The following CYP39A1 variants were observed in gnomAD, a reference collection of about 807,000 sequenced individuals.
CYP39A1 encodes the protein 24-hydroxycholesterol 7-alpha-hydroxylase.
In CYP39A1, 49 loss-of-function variants were observed where a neutral mutation model predicts 58.1. The observed-to-expected ratio is 0.84, with a 90% CI of 0.67 to 1.07. CYP39A1 has a LOEUF of 1.07. Among genes scored for constraint, CYP39A1 ranks in the 50% least tolerant of loss-of-function variants. The pLI is 0.00. For missense variants in CYP39A1, 531 were observed against 539.4 expected, an observed-to-expected ratio of 0.98 and a Z score of 0.16; for synonymous variants, 209 against 187.6, an observed-to-expected ratio of 1.11 and a Z score of -0.93.
At chr6:46,624,683 A>T (rs1381396351) in intron 7 of CYP39A1, among the ~76,000 whole-genome samples, 2 of 152,104 alleles carry the variant, frequency 1.3e-5, no homozygotes, top group Non-Finnish European at 2.9e-5. Flanking sequence ...AAACCCTATC[A>T]TTTCTTATTC....
Position 46,639,560 on chromosome 6 carries a change from T to C in CYP39A1, c.422A>G (p.Glu141Gly). ...NLHQFTGQLT[E>G]ELHEQLENLG... Reference sequence around the variant, plus strand: ...ATTCTCCAGTTGTTCATGTAATTCTTCAGTCAGTTGCCCAGTAAACTGATG... The same window carrying C: ...ATTCTCCAGTTGTTCATGTAATTCTCCAGTCAGTTGCCCAGTAAACTGATG... Residue 141 changes from glutamate (E) to glycine (G), a missense_variant, in exon 3 of 12, where the codon GAA (glutamate) becomes GGA (glycine). Physicochemically the swap from Glu to Gly is moderately conservative, Grantham distance 98 (BLOSUM62 -2). Coordinates refer to ENST00000275016, the MANE Select transcript of CYP39A1 (RefSeq NM_016593.5). The C allele has an allele frequency of 6.2e-7, 1 of 1,614,164 alleles. No homozygotes were observed. Among genetic ancestry groups the C allele is most frequent in the South Asian group, 1.1e-5 (1 of 91,078 alleles).
At chr6:46,639,850 C>A in intron 2 of CYP39A1, among the ~76,000 whole-genome samples, 182 bp from the exon 3 acceptor site, 1 of 152,146 alleles carries the variant, frequency 6.6e-6, no homozygotes, top group African/African-American at 2.4e-5. Flanking sequence ...TGTGGTGGCT[C>A]ACAACTGTAA....
At chr6:46,648,826 A>T (rs997493419) in intron 1 of CYP39A1, among the ~76,000 whole-genome samples, 1 of 152,284 alleles carries the variant, frequency 6.6e-6, no homozygotes, top group African/African-American at 2.4e-5. Context: ...AAAAAAAACA[A>T]ATAATGTTTC....
intron 8 of CYP39A1, among the ~76,000 whole-genome samples, chr6:46,588,789 G>C (rs1173980689): frequency 6.6e-6 from 1 of 152,148 alleles, no homozygotes. Flanking sequence ...TTTGTGTTTG[G>C]GGTCACAGTG....
At chr6:46,626,886 A>G (rs1267860807) in intron 6 of CYP39A1, among the ~76,000 whole-genome samples, 1 of 152,156 alleles carries the variant, frequency 6.6e-6, no homozygotes, top group African/African-American at 2.4e-5. Flanking sequence ...ATGTTGGGGA[A>G]AAAAATAGTG....
At chr6:46,575,944 T>C (rs199839176) in intron 10 of CYP39A1, among the ~76,000 whole-genome samples, 1 of 152,150 alleles carries the variant, frequency 6.6e-6, no homozygotes, top group Admixed American at 6.6e-5. Context: ...TACCTGAGAC[T>C]GTAATTTATG....
intron 10 of CYP39A1, among the ~76,000 whole-genome samples, chr6:46,555,903 C>G (rs1770644669): frequency 6.6e-6 from 1 of 152,106 alleles, no homozygotes; most frequent in Non-Finnish European, 1.5e-5. Flanking sequence ...GCAAATTTAA[C>G]CCTACTTACT....
intron 7 of CYP39A1, among the ~76,000 whole-genome samples, chr6:46,624,031 CAT>C (rs1409525994): frequency 6.6e-6 from 1 of 152,068 alleles, no homozygotes; most frequent in African/African-American, 2.4e-5. Flanking sequence ...TAAACAATAA[CAT>C]AGAAAAAGCA....
At chr6:46,584,785 TA>T (rs1322254888) in intron 10 of CYP39A1, among the ~76,000 whole-genome samples, 7 of 152,072 alleles carry the variant, frequency 4.6e-5, no homozygotes, top group Non-Finnish European at 8.8e-5. Flanking sequence ...TGTCTCAAGC[TA>T]AAAGGTCTCC....
chr6:46,585,289 G>A (rs1181579921), intron 10 of CYP39A1, among the ~76,000 whole-genome samples: 2 of 151,872 alleles, frequency 1.3e-5, no homozygotes, highest in African/African-American at 4.8e-5. Context: ...CCAGGTCAAG[G>A]ATGATTACAA....
chr6:46,602,929 G>GC (rs1168586015), intron 7 of CYP39A1, among the ~76,000 whole-genome samples: 2 of 137,202 alleles, frequency 1.5e-5, no homozygotes, highest in Non-Finnish European at 3.1e-5. Context: ...AAAATGGGGG[G>GC]GGGGAGCTTT....
chr6:46,617,086 G>A (rs974534529), intron 7 of CYP39A1, among the ~76,000 whole-genome samples: 5 of 152,104 alleles, frequency 3.3e-5, no homozygotes, highest in South Asian at 2.1e-4. Flanking sequence ...ACAGACCATC[G>A]CTCTGGTTAA....
At chr6:46,561,392 C>A (rs1192612218) in intron 10 of CYP39A1, among the ~76,000 whole-genome samples, 1 of 151,930 alleles carries the variant, frequency 6.6e-6, no homozygotes, top group African/African-American at 2.4e-5. Context: ...CTGCAACAAG[C>A]GAAAAAGACA....
intron 7 of CYP39A1, among the ~76,000 whole-genome samples, chr6:46,597,721 C>A (rs1582367152): frequency 6.6e-6 from 1 of 152,126 alleles, no homozygotes; most frequent in Non-Finnish European, 1.5e-5. Context: ...AGTGAGAGAT[C>A]CACTAAGGCC....
At chr6:46,606,157 G>C (rs1373791610) in intron 7 of CYP39A1, among the ~76,000 whole-genome samples, 1 of 152,036 alleles carries the variant, frequency 6.6e-6, no homozygotes, top group East Asian at 1.9e-4. Flanking sequence ...GTTAAAAAGG[G>C]TAAAACGTTC....
At chr6:46,630,688 A>G (rs887675999) in intron 6 of CYP39A1, among the ~76,000 whole-genome samples, 5 of 152,216 alleles carry the variant, frequency 3.3e-5, no homozygotes. Flanking sequence ...GTTGTCTACA[A>G]CTGGCCCCAA....
At chr6:46,598,268 A>G (rs1271140825) in intron 7 of CYP39A1, among the ~76,000 whole-genome samples, 3 of 152,204 alleles carry the variant, frequency 2.0e-5, no homozygotes, top group African/African-American at 7.2e-5. Context: ...GTCTTCTACC[A>G]ATATCCATAC....
Position 46,594,255 on chromosome 6 carries a change from G to A in CYP39A1, c.1065+1732C>T, listed in dbSNP as rs1007668106. Among the ~76,000 whole-genome samples, 3 of 151,914 alleles carry A rather than the reference G, an allele frequency of 2.0e-5. No homozygotes were observed. The East Asian group carries it at 5.8e-4, about 29-fold the overall frequency. On this transcript the variant is annotated intron_variant, in intron 8 of 11. Coordinates refer to ENST00000275016, the MANE Select transcript of CYP39A1 (RefSeq NM_016593.5). Reference sequence around the variant, plus strand: ...ACTCTTATTAATAACCTGTTCTAGGGTCATTTTGTGCTCAATGGAATTCAA... The same window carrying A: ...ACTCTTATTAATAACCTGTTCTAGGATCATTTTGTGCTCAATGGAATTCAA...
At chr6:46,636,110 A>C (rs924688193) in intron 5 of CYP39A1, among the ~76,000 whole-genome samples, 6 of 152,208 alleles carry the variant, frequency 3.9e-5, no homozygotes, top group Admixed American at 6.5e-5. Context: ...CGCTATTGAC[A>C]CAGCCAACTG....
Sources: gnomAD v4.1 joint callset for allele counts (sites outside exome capture counted in the v4.1 genomes callset) on GRCh38, gnomAD v4.1.1 for gene constraint, MANE v1.5 for transcripts, NCBI Gene and HGNC (gene_info 2026-07-23, HGNC 2026-07-21) for gene names.